PSMB5: variants seen among roughly 807,000 people sequenced by gnomAD.
PSMB5 encodes proteasome subunit beta type-5.
PSMB5 carries 2 observed loss-of-function variants against 22.8 expected under a neutral mutation model. The ratio of observed to expected loss-of-function variants is 0.09; its 90% CI spans 0.04 to 0.28. PSMB5 has a LOEUF of 0.28. Ranked by LOEUF, PSMB5 falls within the 10% of genes least tolerant of loss-of-function variation. PSMB5 has a pLI of 1.00. For missense variants in PSMB5, 269 were observed against 343.8 expected (o/e 0.78, Z 1.72); for synonymous variants, 133 against 135.3 (o/e 0.98, Z 0.12).
Position 23,026,721 on chromosome 14 carries a change from A to G in PSMB5, c.506-346T>C, listed in dbSNP as rs550614791. On this transcript the variant is annotated intron_variant, in intron 2 of 2. Coordinates refer to ENST00000361611, the MANE Select transcript of PSMB5 (RefSeq NM_002797.5). ...CTTCTCGGACTCCCAAAGTGCTGGG[A>G]TTACAGGCGTGAGCCACCTCGCCCG... Among the ~76,000 whole-genome samples the G allele has an allele frequency of 3.3e-5, 5 of 149,846 alleles. No homozygotes were observed. The East Asian group carries it at 1.0e-3, about 31-fold the overall frequency.
intron 2 of PSMB5, among the ~76,000 whole-genome samples, chr14:23,030,260 C>T (rs547677719): frequency 5.9e-5 from 9 of 151,288 alleles, no homozygotes; most frequent in Non-Finnish European, 1.0e-4. Context: ...GAGGCCGAGG[C>T]GGGTGGATCA....
intron 2 of PSMB5, among the ~76,000 whole-genome samples, chr14:23,027,490 A>T (rs1428219768): frequency 1.3e-5 from 2 of 149,754 alleles, no homozygotes; most frequent in Non-Finnish European, 3.0e-5. Flanking sequence ...ACTTCTATAA[A>T]ATTATTATTA....
upstream of PSMB5, chr14:23,035,212 G>A: frequency 3.4e-6 from 1 of 294,770 alleles, no homozygotes; most frequent in Non-Finnish European, 6.4e-6. Flanking sequence ...GGGAAGTGAG[G>A]TCGGCCATCT....
At chr14:23,032,125 T>G (rs1382873493) in intron 2 of PSMB5, among the ~76,000 whole-genome samples, 1 of 151,936 alleles carries the variant, frequency 6.6e-6, no homozygotes. Flanking sequence ...AAAAGGCCCC[T>G]TCTAGGCCAA....
At chr14:23,028,510 AT>A (rs548896720) in intron 2 of PSMB5, among the ~76,000 whole-genome samples, 2 of 152,282 alleles carry the variant, frequency 1.3e-5, no homozygotes, top group African/African-American at 4.8e-5. Context: ...ATTGAAATTA[AT>A]TTTTTTTAAT....
intron 2 of PSMB5, among the ~76,000 whole-genome samples, chr14:23,027,416 A>C (rs1305141189): frequency 7.1e-6 from 1 of 140,510 alleles, no homozygotes; most frequent in East Asian, 2.0e-4. Context: ...ATAATAAATA[A>C]ATAAAATAAT....
intron 2 of PSMB5, chr14:23,027,794 CA>C: frequency 6.5e-7 from 1 of 1,548,306 alleles, no homozygotes; most frequent in Non-Finnish European, 8.7e-7. Context: ...AAGTACATTC[CA>C]AATGACTTAG....
At chr14:23,027,898 C>G in intron 2 of PSMB5, 1 of 1,236,238 alleles carries the variant, frequency 8.1e-7, no homozygotes, top group Admixed American at 2.1e-5. Context: ...AATCCCAGCA[C>G]TTTGGGAGGC....
In PSMB5 at chr14:23,033,338, C is replaced by A. The variant is rs185430971; in HGVS notation, c.505+30G>T. The A allele has an allele frequency of 3.4e-5, 54 of 1,593,734 alleles. No homozygotes were observed. In the African/African-American group the frequency reaches 6.7e-4, roughly 20 times the overall value. ...ACCCCTCCTCACTGTAGTGTCAGCC[C>A]AAGGATCATGTGGTTGCAGCTTAAC... is the stretch of plus-strand genomic sequence containing the variant. On this transcript the variant is annotated intron_variant, in intron 2 of 2. Transcript: ENST00000361611.
intron 2 of PSMB5, among the ~76,000 whole-genome samples, chr14:23,026,876 C>T (rs1042204332): frequency 8.7e-5 from 12 of 138,006 alleles, no homozygotes; most frequent in Middle Eastern, 5.5e-3. Flanking sequence ...TGAGGTCAGG[C>T]GTTTGAGACC....
chr14:23,035,059 G>T, upstream of PSMB5: 5 of 1,281,688 alleles, frequency 3.9e-6, no homozygotes, highest in East Asian at 1.3e-4. Flanking sequence ...TTTCACTGAA[G>T]GGGGTCGGGG....
intron 2 of PSMB5, among the ~76,000 whole-genome samples, chr14:23,030,637 T>C (rs1171755896): frequency 6.6e-6 from 1 of 152,084 alleles, no homozygotes; most frequent in Non-Finnish European, 1.5e-5. Context: ...AGAACCTGCA[T>C]ATATGAAAAG....
chr14:23,034,803 G>C lies in PSMB5; in HGVS notation c.79C>G (p.Leu27Val), dbSNP rs746752069. 8.7e-5 allele frequency: 141 copies of C among 1,614,134 alleles called. No homozygotes were observed. The highest frequency in any genetic ancestry group is 4.7e-4 in the Admixed American group (28 of 60,004). Residue 27 changes from leucine to valine, a missense_variant, in exon 1 of 3, where the codon CTG becomes GTG. Transcript: ENST00000361611. ...AGACTCCCTGGACCTAGATCCAGCA[G>C]ATCTGCACGACCCCCAAGTCCGAAA... is the stretch of plus-strand genomic sequence containing the variant. ...GFFGLGGRAD[L>V]LDLGPGSLSD...
At position 23,033,379 on chromosome 14, in the gene PSMB5, T is replaced by G. The variant is rs1355828151; in HGVS notation, c.494A>C (p.Lys165Thr). Residue 165 changes from lysine (K) to threonine (T), a missense_variant, in exon 2 of 3, where the codon AAG becomes ACG. Coordinates refer to ENST00000361611, the MANE Select transcript of PSMB5 (RefSeq NM_002797.5). ...GCAGCTTAACTCACCAGGGCCTCTC[T>G]TATCCCAGCCACAGATCATGGTGCC... ...SMGTMICGWD[K>T]RGPGLYYVDS... 2 of 1,609,834 alleles carry G rather than the reference T, an allele frequency of 1.2e-6. No individual in the cohort carries two copies. Among genetic ancestry groups the G allele is most frequent in the Non-Finnish European group, 8.5e-7 (1 of 1,176,732 alleles).
At position 23,033,300 on chromosome 14, in the gene PSMB5, A is replaced by T. The variant is rs1244712538; in HGVS notation, c.505+68T>A. On this transcript the variant is annotated intron_variant, in intron 2 of 2. Coordinates refer to ENST00000361611, the MANE Select transcript of PSMB5 (RefSeq NM_002797.5). The stretch of plus-strand genomic sequence containing the variant: ...GCATTGACACCAAGCCCTTTAATTC[A>T]TCTGTCCATCCAACCCCTCCTCACT... 3 of 1,500,646 alleles carry T rather than the reference A, an allele frequency of 2.0e-6. No homozygotes were observed. In the East Asian group the frequency reaches 6.9e-5, roughly 34 times the overall value. The allele number at this position is 1,500,646 out of a possible 1,614,324, so 93.0% of individuals were successfully genotyped here. A position where few individuals can be genotyped will look rare whatever the true frequency, so the allele number is the denominator to read the frequency against.
chr14:23,031,845 TTGGC>T (rs1468689024), intron 2 of PSMB5, among the ~76,000 whole-genome samples: 2 of 152,170 alleles, frequency 1.3e-5, no homozygotes, highest in Non-Finnish European at 2.9e-5. Flanking sequence ...TCTCAACACT[TTGGC>T]AGGCTGAGGT....
At position 23,028,229 on chromosome 14, in the gene PSMB5, T is replaced by C. The variant is rs149319993; in HGVS notation, c.506-1854A>G. ...TCACTTGAGCCCAGGAGGTTGAGGC[T>C]ACAGTGAGCTGTGATTATGCCACTG... On this transcript the variant is annotated intron_variant, in intron 2 of 2. Coordinates refer to ENST00000361611, the MANE Select transcript of PSMB5 (RefSeq NM_002797.5). 7.8e-3 allele frequency among the ~76,000 whole-genome samples: 1,181 copies of C among 152,344 alleles called. 15 individuals are homozygous for C. The highest frequency in any genetic ancestry group is 0.027 in the African/African-American group (1,136 of 41,576).
At chr14:23,033,300 A>C (rs1244712538) in intron 2 of PSMB5, 68 bp downstream of exon 2, 5 of 1,500,646 alleles carry the variant, frequency 3.3e-6, no homozygotes, top group Non-Finnish European at 4.5e-6. Flanking sequence ...CCTTTAATTC[A>C]TCTGTCCATC....
chr14:23,030,358 G>A (rs529289838), intron 2 of PSMB5, among the ~76,000 whole-genome samples: 3 of 152,022 alleles, frequency 2.0e-5, no homozygotes, highest in East Asian at 2.0e-4. Context: ...GCGTGGTGGC[G>A]GGCACCTGTA....
Sources: allele counts gnomAD v4.1 joint callset (sites outside exome capture counted in the v4.1 genomes callset), GRCh38; gene constraint gnomAD v4.1.1; transcripts MANE v1.5; gene names NCBI Gene and HGNC (gene_info 2026-07-23, HGNC 2026-07-21).